The following ITPRID1 variants were observed in gnomAD, a reference collection of about 807,000 sequenced individuals.
The protein encoded by ITPRID1 is protein ITPRID1.
In ITPRID1, 96 loss-of-function variants were observed where a neutral mutation model predicts 95.4. That is an observed-to-expected ratio of 1.01 (90% CI 0.85 to 1.19). The LOEUF (loss-of-function observed/expected upper bound fraction) is 1.19. Among genes scored for constraint, ITPRID1 ranks in the 50% most tolerant of loss-of-function variants. ITPRID1 has a pLI of 0.00. For missense variants in ITPRID1, 1,339 were observed against 1,252.9 expected, an observed-to-expected ratio of 1.07 and a Z score of -1.04; for synonymous variants, 510 against 453.6, an observed-to-expected ratio of 1.12 and a Z score of -1.58.
chr7:31,618,565 A>AAGGCTTTGAAACCAAAAGGGAGTCCAG (rs1787492101), intron 10 of ITPRID1, among the ~76,000 whole-genome samples: 2 of 152,248 alleles, frequency 1.3e-5, no homozygotes, highest in Admixed American at 6.5e-5. Flanking sequence ...GATGTTAGGA[A>AAGGCTTTGAAACCAAAAGGGAGTCCAG]AGGCTTTGAA....
intron 1 of ITPRID1, among the ~76,000 whole-genome samples, chr7:31,519,623 T>TCTCC (rs1293362085): frequency 5.8e-5 from 5 of 86,638 alleles, no homozygotes; most frequent in East Asian, 3.2e-4. Context: ...TCTCTCTCTA[T>TCTCC]ATATATATAT....
In ITPRID1 at chr7:31,567,674, C is replaced by T. The variant is rs531335593; in HGVS notation, c.257-2084C>T. Among the ~76,000 whole-genome samples, 19 of 151,992 alleles carry T rather than the reference C, an allele frequency of 1.3e-4. No homozygotes were observed. The South Asian group carries it at 3.3e-3, about 27-fold the overall frequency. On this transcript the variant is annotated intron_variant, in intron 5 of 14. Transcript: ENST00000615280. ...TCCGCTCACTGCAAGCTCTGCCTCC[C>T]GGGTTCACACCATTCTCCTGCCTCA...
intron 10 of ITPRID1, among the ~76,000 whole-genome samples, chr7:31,638,224 T>C (rs1200115018): frequency 6.6e-6 from 1 of 152,210 alleles, no homozygotes; most frequent in Non-Finnish European, 1.5e-5. Flanking sequence ...TAAAGGAAAC[T>C]GAAAAGTTTT....
rs1338599864 is a variant in ITPRID1 at position 31,554,353 on chromosome 7, T to C, written c.164-122T>C. 2.8e-6 allele frequency: 4 copies of C among 1,416,180 alleles called. No individual in the cohort carries two copies. The Admixed American group carries it at 8.0e-5, about 28-fold the overall frequency. 87.7% of individuals were successfully genotyped at this position (1,416,180 alleles called of 1,614,324 possible). A position where few individuals can be genotyped will look rare whatever the true frequency, so the allele number is the denominator to read the frequency against. On this transcript the variant is annotated intron_variant, in intron 3 of 14. Transcript: ENST00000615280. ...TCAGGAAAAAAAATGAATATGCTTA[T>C]GGAAGGAAACATGTGACTAAATATG...
intron 8 of ITPRID1, among the ~76,000 whole-genome samples, chr7:31,576,029 C>T (rs575412067): frequency 1.1e-4 from 17 of 152,166 alleles, no homozygotes; most frequent in African/African-American, 2.9e-4. Context: ...TTCTTTATTT[C>T]GGGAGAATAA....
At chr7:31,614,690 AGTAGAGT>A (rs1437755439) in intron 10 of ITPRID1, among the ~76,000 whole-genome samples, 4 of 152,210 alleles carry the variant, frequency 2.6e-5, no homozygotes, top group East Asian at 1.9e-4. Context: ...AAAATGGGTT[AGTAGAGT>A]GTAGAGCGTT....
intron 10 of ITPRID1, among the ~76,000 whole-genome samples, chr7:31,621,641 A>G (rs1583613117): frequency 6.7e-6 from 1 of 149,142 alleles, no homozygotes; most frequent in Non-Finnish European, 1.5e-5. Context: ...GGTACCAGAC[A>G]CTGCAAAATC....
At chr7:31,577,437 G>A (rs191069909) in intron 8 of ITPRID1, among the ~76,000 whole-genome samples, 166 of 152,290 alleles carry the variant, frequency 1.1e-3, no homozygotes, top group Non-Finnish European at 2.0e-3. Context: ...GTATGGATAG[G>A]GATGATGTAA....
intron 11 of ITPRID1, 88 bp downstream of exon 11, chr7:31,642,346 A>C: frequency 1.1e-6 from 1 of 886,024 alleles, no homozygotes. Flanking sequence ...AACCTCACTC[A>C]CAGCTAACTC....
At chr7:31,521,983 G>T (rs1183441489) in intron 1 of ITPRID1, among the ~76,000 whole-genome samples, 1 of 150,236 alleles carries the variant, frequency 6.7e-6, no homozygotes, top group African/African-American at 2.5e-5. Context: ...ATAAGGATAG[G>T]AGTGACAACT....
intron 7 of ITPRID1, among the ~76,000 whole-genome samples, chr7:31,574,234 G>A (rs1785095865): frequency 6.7e-6 from 1 of 149,568 alleles, no homozygotes; most frequent in Non-Finnish European, 1.5e-5. Context: ...TCAGTGCACT[G>A]CCTCTGGCTG....
chr7:31,616,744 C>T (rs1274269952), intron 10 of ITPRID1, among the ~76,000 whole-genome samples: 2 of 152,100 alleles, frequency 1.3e-5, no homozygotes, highest in Non-Finnish European at 2.9e-5. Flanking sequence ...GGATTATGTA[C>T]AGGTGAATGA....
chr7:31,531,979 A>C (rs1783612611), intron 1 of ITPRID1, among the ~76,000 whole-genome samples: 1 of 152,196 alleles, frequency 6.6e-6, no homozygotes, highest in Non-Finnish European at 1.5e-5. Context: ...CATTTTAAAC[A>C]ACTTACGTCA....
intron 9 of ITPRID1, 57 bp from the exon 10 acceptor site, chr7:31,583,077 A>C: frequency 7.9e-7 from 1 of 1,267,454 alleles, no homozygotes; most frequent in Non-Finnish European, 1.2e-6. Flanking sequence ...GTTGATTAAA[A>C]TAAGTGAATT....
At chr7:31,642,389 T>A (rs1314000741) in intron 11 of ITPRID1, 131 bp downstream of exon 11, 6 of 703,758 alleles carry the variant, frequency 8.5e-6, no homozygotes, top group Non-Finnish European at 1.4e-5. Flanking sequence ...AAGCCACAAT[T>A]GGAAAGGTTG....
intron 5 of ITPRID1, among the ~76,000 whole-genome samples, chr7:31,568,881 A>ACAG (rs1784889204): frequency 6.6e-6 from 1 of 151,990 alleles, no homozygotes; most frequent in Non-Finnish European, 1.5e-5. Flanking sequence ...AACAACAACA[A>ACAG]GCTAAAATAA....
At chr7:31,616,208 A>C (rs1398987841) in intron 10 of ITPRID1, among the ~76,000 whole-genome samples, 1 of 151,372 alleles carries the variant, frequency 6.6e-6, no homozygotes, top group African/African-American at 2.4e-5. Context: ...AACATCTTAA[A>C]TTGACCATGG....
chr7:31,632,866 TTTTA>T (rs914788638), intron 10 of ITPRID1, among the ~76,000 whole-genome samples: 47 of 152,074 alleles, frequency 3.1e-4, no homozygotes, highest in African/African-American at 8.7e-4. Context: ...AGATTTTTAT[TTTTA>T]TTTATTTATT....
At chr7:31,537,083 AAG>A in intron 1 of ITPRID1, among the ~76,000 whole-genome samples, 1 of 78,368 alleles carries the variant, frequency 1.3e-5, no homozygotes, top group Non-Finnish European at 2.8e-5. Context: ...GTATGCCTAG[AAG>A]GTGTGTGTGT....
Sources: gnomAD v4.1 joint callset for allele counts (sites outside exome capture counted in the v4.1 genomes callset) on GRCh38, gnomAD v4.1.1 for gene constraint, MANE v1.5 for transcripts, NCBI Gene and HGNC (gene_info 2026-07-23, HGNC 2026-07-21) for gene names.